Variants in RYR1 observed in about 807,000 individuals in gnomAD.
RYR1 encodes ryanodine receptor 1, also known as central core disease of muscle.
Under a neutral mutation model 583.5 loss-of-function variants are expected in RYR1, and 342 were observed. The ratio of observed to expected loss-of-function variants is 0.59; its 90% CI spans 0.54 to 0.64. The LOEUF (loss-of-function observed/expected upper bound fraction) is 0.64, where lower values mean the gene tolerates loss of function less well. Ranked by LOEUF, RYR1 falls within the 30% of genes least tolerant of loss-of-function variation. The pLI is 0.00. For missense variants in RYR1, 6,032 were observed against 6,917.2 expected (o/e 0.87, Z 4.54); for synonymous variants, 2,791 against 2,822.5 (o/e 0.99, Z 0.35).
At position 38,467,640 on chromosome 19, in the gene RYR1, G is replaced by A. The variant is rs777962787; in HGVS notation, c.3209G>A (p.Arg1070Gln). 20 of 1,614,086 alleles carry A rather than the reference G, an allele frequency of 1.2e-5. No homozygotes were observed. The highest frequency in any genetic ancestry group is 1.6e-4 in the Middle Eastern group (1 of 6,084). Reference protein sequence around the residue: ...SQVENQSRCDRVRIFRAEKSY... With the variant: ...SQVENQSRCDQVRIFRAEKSY... ...GTGGAGAACCAGTCTCGTTGTGACC[G>A]GGTGCGCATCTTCCGGGCAGAGAAA... Residue 1070 changes from arginine to glutamine, a missense_variant, in exon 25 of 106, where the codon CGG (arginine) becomes CAG (glutamine). Physicochemically the swap from Arg to Gln is conservative, Grantham distance 43 (BLOSUM62 1). Transcript: ENST00000359596.
At chr19:38,510,409 C>T (rs1178908560) in intron 58 of RYR1, 89 bp from the exon 59 acceptor site, 2 of 1,337,852 alleles carry the variant, frequency 1.5e-6, no homozygotes, top group African/African-American at 1.4e-5. Context: ...CCATCATTTC[C>T]CAACTCTGCT....
At chr19:38,493,906 A>G (rs572320195) in intron 38 of RYR1, among the ~76,000 whole-genome samples, 108 of 152,170 alleles carry the variant, frequency 7.1e-4, no homozygotes, top group Non-Finnish European at 1.2e-3. Flanking sequence ...CGGCTCTGGT[A>G]TCTTGCAGTT....
At chr19:38,515,926 G>A (rs1373848285) in intron 64 of RYR1, among the ~76,000 whole-genome samples, 161 bp from the exon 65 acceptor site, 7 of 152,200 alleles carry the variant, frequency 4.6e-5, no homozygotes, top group Admixed American at 3.9e-4. Context: ...GAGTAACAGA[G>A]CGAGACCCTG....
chr19:38,529,221 C>T (rs1030704657), intron 76 of RYR1, among the ~76,000 whole-genome samples, 164 bp downstream of exon 76: 2 of 152,234 alleles, frequency 1.3e-5, no homozygotes, highest in Non-Finnish European at 2.9e-5. Context: ...GTGGCTCACG[C>T]CTGTAGTCCC....
chr19:38,459,382 A>G (rs1261460249), intron 19 of RYR1, 44 bp downstream of exon 19: 3 of 1,584,820 alleles, frequency 1.9e-6, no homozygotes, highest in African/African-American at 2.7e-5. Context: ...CAGACCTAGG[A>G]CTGACCTGAG....
intron 18 of RYR1, among the ~76,000 whole-genome samples, chr19:38,458,565 C>T (rs561333808): frequency 6.6e-6 from 1 of 152,262 alleles, no homozygotes; most frequent in East Asian, 1.9e-4. Context: ...ACTGTGATCT[C>T]TGATCTTTGA....
intron 83 of RYR1, chr19:38,537,156 A>G (rs1302130284): frequency 6.6e-6 from 2 of 302,230 alleles, no homozygotes; most frequent in Non-Finnish European, 1.3e-5. Context: ...CCCCGACCTC[A>G]GATTGGTCAG....
At chr19:38,439,588 C>T (rs993387175) in intron 1 of RYR1, among the ~76,000 whole-genome samples, 5 of 152,206 alleles carry the variant, frequency 3.3e-5, no homozygotes, top group African/African-American at 1.2e-4. Flanking sequence ...CTCCCTGCAA[C>T]CTCTGCCTCC....
chr19:38,470,919 G>A (rs541522899), intron 27 of RYR1, among the ~76,000 whole-genome samples: 2 of 152,308 alleles, frequency 1.3e-5, no homozygotes, highest in South Asian at 2.1e-4. Flanking sequence ...CAGAGTGGAC[G>A]CAGAGTTCCT....
rs760010175 is a variant in RYR1 at position 38,585,949 on chromosome 19, G to A, written c.14815G>A (p.Asp4939Asn). ...TCCTGCCACCCCAGGTCTGATCATC[G>A]ACGCTTTTGGTGAGCTCCGAGACCA... ...LLAIIQGLII[D>N]AFGELRDQQE... The change falls in exon 103 of 106, where the codon GAC (aspartate) becomes AAC (asparagine). Residue 4939 changes from aspartate to asparagine, a missense_variant. Physicochemically the swap from Asp to Asn is conservative, Grantham distance 23. Around this residue, in one of 11 missense-constraint regions of RYR1, gnomAD observed 189 missense variants for 350.3 expected, o/e 0.54. Coordinates refer to ENST00000359596, the MANE Select transcript of RYR1 (RefSeq NM_000540.3). The A allele has an allele frequency of 1.9e-6, 3 of 1,613,966 alleles. No individual in the cohort carries two copies. Among genetic ancestry groups the A allele is most frequent in the African/African-American group, 1.3e-5 (1 of 74,956 alleles).
chr19:38,566,887 C>T (rs757136269), intron 91 of RYR1, 24 bp from the exon 92 acceptor site: 1 of 1,594,112 alleles, frequency 6.3e-7, no homozygotes, highest in Admixed American at 1.8e-5. Context: ...GAGGACTCAG[C>T]CCTGATGCTT....
At chr19:38,545,764 T>C (rs1267975359) in intron 87 of RYR1, among the ~76,000 whole-genome samples, 1 of 152,164 alleles carries the variant, frequency 6.6e-6, no homozygotes, top group African/African-American at 2.4e-5. Flanking sequence ...TGAGCCGAGA[T>C]TGCGCCATTA....
chr19:38,565,496 A>G lies in RYR1; in HGVS notation c.13162A>G (p.Ser4388Gly), dbSNP rs1599635690. Residue 4388 changes from serine to glycine, a missense_variant, in exon 91 of 106, where the codon AGC becomes GGC. By Grantham distance (56) the Ser-to-Gly change is moderately conservative. Coordinates refer to ENST00000359596, the MANE Select transcript of RYR1 (RefSeq NM_000540.3). The surrounding 1 kb of genome is among the most constrained non-coding windows in gnomAD (Gnocchi z 4.7). ...ELLAGMPDPT[S>G]DEVHGEQPAG... ...CCTGGCAGGCATGCCCGACCCCACCAGCGACGAGGTGCACGGCGAGCAGCC... is the reference window on the plus strand; with the variant it reads ...CCTGGCAGGCATGCCCGACCCCACCGGCGACGAGGTGCACGGCGAGCAGCC... 1 of 1,505,284 alleles carries G rather than the reference A, an allele frequency of 6.6e-7. No individual in the cohort carries two copies. The highest frequency in any genetic ancestry group is 2.1e-5 in the Admixed American group (1 of 48,248). 93.2% of individuals were successfully genotyped at this position (1,505,284 alleles called of 1,614,324 possible). A position where few individuals can be genotyped will look rare whatever the true frequency, so the allele number is the denominator to read the frequency against.
rs377100871 is a variant in RYR1 at position 38,483,484 on chromosome 19, C to T, written c.4902C>T (p.Thr1634=). 1 of 1,558,352 alleles carries T rather than the reference C, an allele frequency of 6.4e-7. No homozygotes were observed. Among genetic ancestry groups the T allele is most frequent in the Non-Finnish European group, 8.7e-7 (1 of 1,155,412 alleles). Residue 1634 remains threonine (T), a synonymous_variant, in exon 33 of 106, where the codon ACC becomes ACT. Transcript: ENST00000359596. The surrounding 1 kb of genome is among the most constrained non-coding windows in gnomAD (Gnocchi z 6.3). ...GWAVQCQEPL[T]MMALHIPEEN... is the part of the protein sequence containing the mutation. ...CCGTGCAGTGCCAGGAGCCGCTGAC[C>T]ATGATGGCGCTGCACATCCCCGAGG...
In RYR1 at chr19:38,561,360, T is replaced by TGGGCCGCATCGAGATCATGGGCGCGTC; in HGVS notation, c.12531_12557dup (p.Gly4178_Ser4186dup). ...ATCCTTGAGTACTTCCGCCCCTACC[T>TGGGCCGCATCGAGATCATGGGCGCGTC]GGGCCGCATCGAGATCATGGGCGCG... On this transcript the variant is annotated inframe_insertion, in exon 90 of 106. Transcript: ENST00000359596. The surrounding 1 kb of genome is among the most constrained non-coding windows in gnomAD (Gnocchi z 4.8). The TGGGCCGCATCGAGATCATGGGCGCGTC allele has an allele frequency of 6.2e-7, 1 of 1,613,842 alleles. No individual in the cohort carries two copies. Among genetic ancestry groups the TGGGCCGCATCGAGATCATGGGCGCGTC allele is most frequent in the Admixed American group, 1.7e-5 (1 of 60,012 alleles).
In RYR1 at chr19:38,561,548, C is replaced by T. The variant is rs143132917; in HGVS notation, c.12624+94C>T. 474 of 1,219,960 alleles carry T rather than the reference C, an allele frequency of 3.9e-4. No homozygotes were observed. In the East Asian group the frequency reaches 4.7e-3, roughly 12 times the overall value. The allele number at this position is 1,219,960 out of a possible 1,614,324, so 75.6% of individuals were successfully genotyped here. On this transcript the variant is annotated intron_variant, in intron 90 of 105. Coordinates refer to ENST00000359596, the MANE Select transcript of RYR1 (RefSeq NM_000540.3). The surrounding 1 kb of genome is among the most constrained non-coding windows in gnomAD (Gnocchi z 4.8). ...ACCCTCAGACCCCACGGGGGCTGTG[C>T]GTGCCTCGCATATCTGCCCTGCTCC...
chr19:38,453,074 G>A, intron 13 of RYR1, 60 bp downstream of exon 13: 1 of 1,571,934 alleles, frequency 6.4e-7, no homozygotes, highest in Non-Finnish European at 8.7e-7. Flanking sequence ...ACCACTGAGG[G>A]GCGGGGCCAC....
chr19:38,513,975 A>G (rs1284529772), intron 63 of RYR1, among the ~76,000 whole-genome samples: 1 of 151,976 alleles, frequency 6.6e-6, no homozygotes, highest in African/African-American at 2.4e-5. Context: ...TACCCACAAA[A>G]TGTCTTTGAT....
In RYR1 at chr19:38,512,530, C is replaced by A; in HGVS notation, c.9472+47C>A. ...GCAGGTTGCGGGGAGTCAGTGTGGC[C>A]AACACCACCCATCCGGGTGCCTGTG... On this transcript the variant is annotated intron_variant, in intron 63 of 105. Coordinates refer to ENST00000359596, the MANE Select transcript of RYR1 (RefSeq NM_000540.3). This position sits in a 1 kb window ranked among gnomAD's most constrained non-coding sequence, Gnocchi z 5.1. 6.5e-7 allele frequency: 1 copy of A among 1,540,936 alleles called. No individual in the cohort carries two copies. Among genetic ancestry groups the A allele is most frequent in the Non-Finnish European group, 8.9e-7 (1 of 1,124,882 alleles).
Sources: allele counts gnomAD v4.1 joint callset (sites outside exome capture counted in the v4.1 genomes callset), GRCh38; gene constraint gnomAD v4.1.1; regional missense constraint gnomAD v4.1.1; non-coding constraint Gnocchi (gnomAD v3.1); transcripts MANE v1.5; gene names NCBI Gene and HGNC (gene_info 2026-07-23, HGNC 2026-07-21).